Variants in PTCD2 observed in about 807,000 individuals in gnomAD.
PTCD2 encodes the protein pentatricopeptide repeat-containing protein 2, mitochondrial.
A neutral mutation model predicts 42.6 loss-of-function variants in PTCD2; 31 were observed. That is an observed-to-expected ratio of 0.73 (90% CI 0.55 to 0.98). The LOEUF is 0.98. Ranked by LOEUF, PTCD2 falls within the 50% of genes least tolerant of loss-of-function variation. PTCD2 has a pLI of 0.00. For missense variants in PTCD2, 476 were observed against 454.8 expected, an observed-to-expected ratio of 1.05 and a Z score of -0.42; for synonymous variants, 183 against 170.9, an observed-to-expected ratio of 1.07 and a Z score of -0.55.
Position 72,343,056 on chromosome 5 carries a change from T to C in PTCD2, c.828+20T>C. On this transcript the variant is annotated intron_variant, in intron 8 of 9. Coordinates refer to ENST00000380639, the MANE Select transcript of PTCD2 (RefSeq NM_024754.5). ...TTAAATGTAAGTGATTTCTTTATGGTTTAAGGTAAGCCTTGAAATGTATTA... is the reference window on the plus strand; with the variant it reads ...TTAAATGTAAGTGATTTCTTTATGGCTTAAGGTAAGCCTTGAAATGTATTA... The C allele has an allele frequency of 2.1e-6, 3 of 1,402,134 alleles. No individual in the cohort carries two copies. Among genetic ancestry groups the C allele is most frequent in the Non-Finnish European group, 3.0e-6 (3 of 1,016,100 alleles). 86.9% of individuals were successfully genotyped at this position (1,402,134 alleles called of 1,614,324 possible).
chr5:72,343,580 TACCTGGGCC>T (rs2112193485), intron 8 of PTCD2, among the ~76,000 whole-genome samples: 1 of 152,306 alleles, frequency 6.6e-6, no homozygotes, highest in South Asian at 2.1e-4. Context: ...CCCATTAACT[TACCTGGGCC>T]ACCTGGGTCA....
intron 8 of PTCD2, among the ~76,000 whole-genome samples, chr5:72,349,097 C>T (rs147526776): frequency 1.3e-5 from 2 of 152,168 alleles, no homozygotes; most frequent in Non-Finnish European, 2.9e-5. Context: ...ATGTAGAAAA[C>T]GAGTCTGGTC....
Position 72,320,399 on chromosome 5 carries a change from T to G in PTCD2, c.17T>G (p.Met6Arg). The change falls in exon 1 of 10, where the codon ATG becomes AGG. Residue 6 changes from methionine to arginine, a missense_variant. Transcript: ENST00000380639. MVRDS[M>R]AAAFRPSNRV... is the part of the protein sequence containing the mutation. ...GTAGTTGGTATGGTCCGAGACAGTATGGCTGCTGCATTTCGGCCCTCGAAT... is the reference window on the plus strand; with the variant it reads ...GTAGTTGGTATGGTCCGAGACAGTAGGGCTGCTGCATTTCGGCCCTCGAAT... The G allele has an allele frequency of 6.2e-7, 1 of 1,614,198 alleles. No individual in the cohort carries two copies. The highest frequency in any genetic ancestry group is 8.5e-7 in the Non-Finnish European group (1 of 1,180,038).
rs1430336232 is a variant in PTCD2, at chr5:72,359,274, A to G, written c.*847A>G. On this transcript the variant is annotated 3_prime_UTR_variant, in exon 10 of 10. Transcript: ENST00000380639. ...GATTTTTCTCTCTTGAATGCCTCAT[A>G]TTAAAAAAAAATGTGCCATGAGAGC... The G allele has an allele frequency of 6.6e-6, 1 of 152,186 alleles. No homozygotes were observed. Among genetic ancestry groups the G allele is most frequent in the Non-Finnish European group, 1.5e-5 (1 of 68,024 alleles). The allele number at this position is 152,186 out of a possible 1,614,324, so 9.4% of individuals were successfully genotyped here.
rs139062257 is a variant in PTCD2 at position 72,366,656 on chromosome 5, G to T, written c.*8229G>T. On this transcript the variant is annotated 3_prime_UTR_variant, in exon 10 of 10. Transcript: ENST00000380639. Reference sequence around the variant, plus strand: ...GAGGTCCACATAGCAGGCTAGACAGGAAAGGTAGCTGTAGATAGACTTTAG... The same window carrying T: ...GAGGTCCACATAGCAGGCTAGACAGTAAAGGTAGCTGTAGATAGACTTTAG... 6.0e-4 allele frequency: 92 copies of T among 152,346 alleles called. No homozygotes were observed. Among genetic ancestry groups the T allele is most frequent in the African/African-American group, 2.1e-3 (87 of 41,586 alleles). The allele number at this position is 152,346 out of a possible 1,614,324, so 9.4% of individuals were successfully genotyped here.
intron 4 of PTCD2, among the ~76,000 whole-genome samples, chr5:72,334,633 C>T (rs1346417373): frequency 1.3e-5 from 2 of 152,118 alleles, no homozygotes; most frequent in Admixed American, 1.3e-4. Flanking sequence ...CTTACTGCAG[C>T]CTCCACCTCC....
At chr5:72,339,036 T>C (rs1751907321) in intron 7 of PTCD2, among the ~76,000 whole-genome samples, 1 of 152,222 alleles carries the variant, frequency 6.6e-6, no homozygotes, top group East Asian at 1.9e-4. Flanking sequence ...GAGAACAGTT[T>C]AATTTAATGC....
chr5:72,332,052 A>G (rs1751466026), intron 4 of PTCD2, among the ~76,000 whole-genome samples: 1 of 152,188 alleles, frequency 6.6e-6, no homozygotes, highest in African/African-American at 2.4e-5. Context: ...GAACAGAAAC[A>G]TCACTTTGGG....
chr5:72,320,585 T>C, intron 1 of PTCD2, 76 bp downstream of exon 1: 1 of 1,590,656 alleles, frequency 6.3e-7, no homozygotes, highest in Non-Finnish European at 8.5e-7. Context: ...CTAGCATCTC[T>C]GTGGAGCAGC....
Position 72,331,356 on chromosome 5 carries a change from T to C in PTCD2, c.449T>C (p.Val150Ala), listed in dbSNP as rs1751430927. The change falls in exon 4 of 10, where the codon GTG (valine) becomes GCG (alanine). Residue 150 changes from valine (V) to alanine (A), a missense_variant. By Grantham distance (64) the Val-to-Ala change is moderately conservative. Transcript: ENST00000380639. ...CYELDLEESA[V>A]ELMKDQHLRG... ...GAGTTGGATCTCGAGGAATCTGCAG[T>C]GGAGCTCATGAAAGACCAGGTTATT... 6.2e-7 allele frequency: 1 copy of C among 1,611,946 alleles called. No individual in the cohort carries two copies. Among genetic ancestry groups the C allele is most frequent in the Admixed American group, 1.7e-5 (1 of 60,006 alleles).
intron 5 of PTCD2, 96 bp downstream of exon 5, chr5:72,335,192 G>C (rs1029251014): frequency 1.4e-6 from 1 of 695,768 alleles, no homozygotes; most frequent in African/African-American, 1.8e-5. Context: ...TGATTCTTCT[G>C]TAATCCCAGC....
At chr5:72,349,388 A>G (rs951012898) in intron 8 of PTCD2, among the ~76,000 whole-genome samples, 1 of 152,252 alleles carries the variant, frequency 6.6e-6, no homozygotes, top group Non-Finnish European at 1.5e-5. Flanking sequence ...AGTTTCGTAC[A>G]TACATGAAAG....
At chr5:72,331,940 A>G (rs1751461191) in intron 4 of PTCD2, among the ~76,000 whole-genome samples, 2 of 152,208 alleles carry the variant, frequency 1.3e-5, no homozygotes, top group Admixed American at 6.5e-5. Context: ...TAGCCCTGAT[A>G]AGGTAGATTT....
Position 72,368,237 on chromosome 5 carries a change from A to G in PTCD2, c.*9810A>G, listed in dbSNP as rs1037728779. 8 of 152,222 alleles carry G rather than the reference A, an allele frequency of 5.3e-5. No individual in the cohort carries two copies. Among genetic ancestry groups the G allele is most frequent in the Admixed American group, 5.2e-4 (8 of 15,276 alleles). 9.4% of individuals were successfully genotyped at this position (152,222 alleles called of 1,614,324 possible). On this transcript the variant is annotated 3_prime_UTR_variant, in exon 10 of 10. Coordinates refer to ENST00000380639, the MANE Select transcript of PTCD2 (RefSeq NM_024754.5). Reference sequence around the variant, plus strand: ...GACAACCAGCACATTGCTAAGCCCAAGTAGCAAATTTCCTGACCCCATTTT... The same window carrying G: ...GACAACCAGCACATTGCTAAGCCCAGGTAGCAAATTTCCTGACCCCATTTT...
chr5:72,325,549 C>T lies in PTCD2; in HGVS notation c.221-1063C>T, dbSNP rs181272206. 5.9e-5 allele frequency among the ~76,000 whole-genome samples: 9 copies of T among 152,300 alleles called. No homozygotes were observed. The East Asian group carries it at 7.7e-4, about 13-fold the overall frequency. The stretch of plus-strand genomic sequence containing the variant: ...GCCGAGCTTAGATTTCAGCCCAGGT[C>T]CTTCCATCTCTAGAGCCTTTAACTG... On this transcript the variant is annotated intron_variant, in intron 2 of 9. Transcript: ENST00000380639.
rs573533848 is a variant in PTCD2 at position 72,343,406 on chromosome 5, T to C, written c.828+370T>C. On this transcript the variant is annotated intron_variant, in intron 8 of 9. Transcript: ENST00000380639. ...TACCAAGCCTTGAGAGAAACCCATG[T>C]GCCAACTGCGTCTTATTGGTAGTAC... is the stretch of plus-strand genomic sequence containing the variant. Among the ~76,000 whole-genome samples, 3 of 152,374 alleles carry C rather than the reference T, an allele frequency of 2.0e-5. No homozygotes were observed. In the South Asian group the frequency reaches 6.2e-4, roughly 32 times the overall value.
At chr5:72,321,483 A>G (rs1750842349) in intron 1 of PTCD2, 1 of 152,222 alleles carries the variant, frequency 6.6e-6, no homozygotes, top group Non-Finnish European at 1.5e-5. Context: ...CCTTTCTGTA[A>G]ATAAATAGCA....
At chr5:72,345,250 A>G (rs1003277212) in intron 8 of PTCD2, among the ~76,000 whole-genome samples, 2 of 152,200 alleles carry the variant, frequency 1.3e-5, no homozygotes, top group Non-Finnish European at 2.9e-5. Flanking sequence ...TTCCTTTTGA[A>G]AGAAGAGAAA....
intron 1 of PTCD2, 108 bp from the exon 2 acceptor site, chr5:72,322,064 A>G: frequency 1.6e-6 from 1 of 643,928 alleles, no homozygotes. Flanking sequence ...TACCTGTCTA[A>G]TGGATTATCT....
Sources: allele counts gnomAD v4.1 joint callset (sites outside exome capture counted in the v4.1 genomes callset), GRCh38; gene constraint gnomAD v4.1.1; transcripts MANE v1.5; gene names NCBI Gene and HGNC (gene_info 2026-07-23, HGNC 2026-07-21).